NKAIN3: variants seen among roughly 807,000 people sequenced by gnomAD.
NKAIN3 encodes the protein sodium/potassium-transporting ATPase subunit beta-1-interacting protein 3.
In NKAIN3, 25 loss-of-function variants were observed where a neutral mutation model predicts 30.2. That is an observed-to-expected ratio of 0.83 (90% CI 0.60 to 1.16). The LOEUF (loss-of-function observed/expected upper bound fraction) is 1.16, where lower values mean the gene tolerates loss of function less well. NKAIN3 is among the 50% of genes most tolerant of loss of function. The pLI, the probability that NKAIN3 is intolerant of heterozygous loss-of-function variation, is 0.00. For missense variants in NKAIN3, 225 were observed against 254.1 expected (o/e 0.89, Z 0.78); for synonymous variants, 91 against 89.6 (o/e 1.02, Z -0.09).
In NKAIN3 at chr8:62,516,043, A is replaced by AT. The variant is rs957533536; in HGVS notation, c.55-63487dup. 1.9e-4 allele frequency among the ~76,000 whole-genome samples: 28 copies of AT among 150,826 alleles called. 1 individual carries two copies. Among genetic ancestry groups the AT allele is most frequent in the African/African-American group, 4.4e-4 (18 of 41,176 alleles). On this transcript the variant is annotated intron_variant, in intron 1 of 6. Coordinates refer to ENST00000623646, the MANE Select transcript of NKAIN3 (RefSeq NM_001304533.3). Reference sequence around the variant, plus strand: ...TATTCTCTGTTGAACAAAAAGCCCCATTTTTTTTTAAGAAAGGAAGTAAAG... The same window carrying AT: ...TATTCTCTGTTGAACAAAAAGCCCCATTTTTTTTTTAAGAAAGGAAGTAAAG...
intron 1 of NKAIN3, among the ~76,000 whole-genome samples, chr8:62,406,011 TAAG>T (rs1804054376): frequency 6.6e-6 from 1 of 152,228 alleles, no homozygotes; most frequent in Non-Finnish European, 1.5e-5. Context: ...CTTTCTCCAA[TAAG>T]AATATAAGTT....
At position 62,972,579 on chromosome 8, in the gene NKAIN3, G is replaced by A. The variant is rs1270930406; in HGVS notation, c.*7172G>A. Among the ~76,000 whole-genome samples, 1 of 152,022 alleles carries A rather than the reference G, an allele frequency of 6.6e-6. No individual in the cohort carries two copies. Among genetic ancestry groups the A allele is most frequent in the Non-Finnish European group, 1.5e-5 (1 of 67,998 alleles). ...GTGCTTCTCAGTTGACATTTGTGAA[G>A]GCAGATTATACACATGAGACAGTGG... On this transcript the variant is annotated 3_prime_UTR_variant, in exon 7 of 7. Transcript: ENST00000623646.
chr8:62,283,620 T>C (rs1813274779), intron 1 of NKAIN3, among the ~76,000 whole-genome samples: 1 of 152,154 alleles, frequency 6.6e-6, no homozygotes, highest in African/African-American at 2.4e-5. Context: ...GAAGTAGGAT[T>C]TTAAATTATC....
At chr8:62,890,405 G>A (rs1482176839) in intron 4 of NKAIN3, among the ~76,000 whole-genome samples, 3 of 152,196 alleles carry the variant, frequency 2.0e-5, no homozygotes, top group Admixed American at 6.5e-5. Flanking sequence ...CCTCATTCAA[G>A]CCCACTGCCT....
chr8:62,355,954 ATG>A (rs2129592082), intron 1 of NKAIN3, among the ~76,000 whole-genome samples: 1 of 152,348 alleles, frequency 6.6e-6, no homozygotes, highest in South Asian at 2.1e-4. Flanking sequence ...AAAATTAACA[ATG>A]TAGTTTGTGG....
At chr8:62,627,041 A>T (rs1423222273) in intron 3 of NKAIN3, among the ~76,000 whole-genome samples, 1 of 152,180 alleles carries the variant, frequency 6.6e-6, no homozygotes, top group Non-Finnish European at 1.5e-5. Flanking sequence ...GAAGAAAGTT[A>T]TCTTCCTCAA....
intron 4 of NKAIN3, among the ~76,000 whole-genome samples, chr8:62,866,457 CAAGTTGCACACA>C (rs1820417272): frequency 6.6e-6 from 1 of 152,116 alleles, no homozygotes; most frequent in South Asian, 2.1e-4. Flanking sequence ...TTTCCCTTTG[CAAGTTGCACACA>C]GTTTTGTTTA....
chr8:62,479,300 A>G (rs1170656506), intron 1 of NKAIN3, among the ~76,000 whole-genome samples: 1 of 152,136 alleles, frequency 6.6e-6, no homozygotes, highest in Non-Finnish European at 1.5e-5. Context: ...CAGGTACTCT[A>G]CCTACATTAT....
chr8:62,378,470 C>T (rs576602632), intron 1 of NKAIN3, among the ~76,000 whole-genome samples: 16 of 152,280 alleles, frequency 1.1e-4, no homozygotes, highest in East Asian at 5.8e-4. Context: ...GAGAGCTTTG[C>T]GGCATCACTT....
At chr8:62,502,553 CCTT>C (rs1030874491) in intron 1 of NKAIN3, among the ~76,000 whole-genome samples, 1 of 151,790 alleles carries the variant, frequency 6.6e-6, no homozygotes, top group African/African-American at 2.4e-5. Flanking sequence ...TTCTCCTTCT[CCTT>C]CTTCTTCTCA....
At chr8:62,277,264 T>C (rs1812993708) in intron 1 of NKAIN3, among the ~76,000 whole-genome samples, 1 of 152,138 alleles carries the variant, frequency 6.6e-6, no homozygotes, top group Admixed American at 6.6e-5. Context: ...TCCTAGGGTA[T>C]TTTTTTGTAA....
chr8:62,261,759 T>G (rs776408056), intron 1 of NKAIN3, among the ~76,000 whole-genome samples: 7 of 152,242 alleles, frequency 4.6e-5, no homozygotes, highest in Non-Finnish European at 8.8e-5. Flanking sequence ...TCATAAAATT[T>G]CTTTTCTAAT....
chr8:62,878,462 C>T (rs1032348290), intron 4 of NKAIN3, among the ~76,000 whole-genome samples: 1 of 152,106 alleles, frequency 6.6e-6, no homozygotes, highest in Non-Finnish European at 1.5e-5. Flanking sequence ...ATAAATACCT[C>T]TACCCCCTAA....
intron 3 of NKAIN3, among the ~76,000 whole-genome samples, chr8:62,619,006 G>T (rs1351094476): frequency 6.6e-6 from 1 of 152,208 alleles, no homozygotes; most frequent in East Asian, 1.9e-4. Flanking sequence ...CCATGGTGCT[G>T]TTGGGTTAAG....
intron 1 of NKAIN3, among the ~76,000 whole-genome samples, chr8:62,290,304 C>T (rs1341573516): frequency 1.3e-5 from 2 of 152,170 alleles, no homozygotes; most frequent in Non-Finnish European, 2.9e-5. Context: ...TGAGAGAGGG[C>T]ATCCCTGTCT....
intron 4 of NKAIN3, among the ~76,000 whole-genome samples, chr8:62,760,697 A>G (rs1356423207): frequency 6.8e-4 from 99 of 145,324 alleles, no homozygotes; most frequent in African/African-American, 8.7e-4. Context: ...TAATGGGTGC[A>G]GCACACCAAC....
At position 62,429,678 on chromosome 8, in the gene NKAIN3, T is replaced by C. The variant is rs558714261; in HGVS notation, c.55-149861T>C. On this transcript the variant is annotated intron_variant, in intron 1 of 6. Transcript: ENST00000623646. ...TAGTATTATTCGAGGATCTACTTTC[T>C]GCCACTTTTGTCTAATAGTGCACCA... is the stretch of plus-strand genomic sequence containing the variant. Among the ~76,000 whole-genome samples, 11 of 152,018 alleles carry C rather than the reference T, an allele frequency of 7.2e-5. No homozygotes were observed. In the East Asian group the frequency reaches 2.1e-3, roughly 29 times the overall value.
intron 1 of NKAIN3, among the ~76,000 whole-genome samples, chr8:62,382,779 C>A (rs973840362): frequency 6.6e-6 from 1 of 152,078 alleles, no homozygotes; most frequent in African/African-American, 2.4e-5. Context: ...TCTTTAATTT[C>A]TCCGATATCT....
intron 3 of NKAIN3, among the ~76,000 whole-genome samples, chr8:62,642,909 A>G (rs115925022): frequency 0.02 from 3,085 of 152,218 alleles, 89 homozygotes; most frequent in African/African-American, 0.069. Context: ...CTATAATAAG[A>G]TTGAATAAAA....
Sources: gnomAD v4.1 joint callset for allele counts (sites outside exome capture counted in the v4.1 genomes callset) on GRCh38, gnomAD v4.1.1 for gene constraint, MANE v1.5 for transcripts, NCBI Gene and HGNC (gene_info 2026-07-23, HGNC 2026-07-21) for gene names.